C16orf78: variants seen among roughly 807,000 people sequenced by gnomAD.
The protein encoded by C16orf78 is chromosome 16 open reading frame 78.
C16orf78 carries 19 observed loss-of-function variants against 27.3 expected under a neutral mutation model. That is an observed-to-expected ratio of 0.70 (90% CI 0.49 to 1.02). C16orf78 has a LOEUF of 1.02. Ranked by LOEUF, C16orf78 falls within the 50% of genes least tolerant of loss-of-function variation. C16orf78 has a pLI of 0.00. For synonymous variants in C16orf78, 130 were observed against 116.1 expected (o/e 1.12, Z -0.77); for missense variants, 339 against 337.0 (o/e 1.01, Z -0.05).
chr16:49,374,236 TA>T, intron 1 of C16orf78, 147 bp downstream of exon 1: 2 of 935,778 alleles, frequency 2.1e-6, no homozygotes, highest in South Asian at 1.8e-5. Flanking sequence ...CCAAGGACAT[TA>T]AGGGGGTGGG....
chr16:49,397,906 T>C (rs936215055), intron 4 of C16orf78, among the ~76,000 whole-genome samples: 5 of 152,152 alleles, frequency 3.3e-5, no homozygotes, highest in African/African-American at 1.2e-4. Flanking sequence ...GCTGGGATTA[T>C]AGGCATGCAC....
chr16:49,387,208 GT>G (rs200930290), intron 3 of C16orf78, among the ~76,000 whole-genome samples: 2 of 150,910 alleles, frequency 1.3e-5, no homozygotes, highest in Admixed American at 1.3e-4. Flanking sequence ...GGCTATTGAG[GT>G]TTTTTTTTCC....
At chr16:49,374,122 C>G in intron 1 of C16orf78, 33 bp downstream of exon 1, 1 of 1,610,590 alleles carries the variant, frequency 6.2e-7, no homozygotes, top group Non-Finnish European at 8.5e-7. Context: ...GGCAGGAAGA[C>G]TTTACTCAAG....
intron 3 of C16orf78, among the ~76,000 whole-genome samples, chr16:49,390,047 A>G (rs536457701): frequency 1.3e-5 from 2 of 152,228 alleles, no homozygotes; most frequent in Admixed American, 6.5e-5. Context: ...TAGATTGTCA[A>G]CCTTTCTTCT....
At chr16:49,394,295 A>AT (rs1965446169) in intron 3 of C16orf78, among the ~76,000 whole-genome samples, 1 of 152,158 alleles carries the variant, frequency 6.6e-6, no homozygotes, top group African/African-American at 2.4e-5. Flanking sequence ...AAATCTAAAA[A>AT]TTTTTAGCAA....
At chr16:49,392,092 A>T (rs966918998) in intron 3 of C16orf78, among the ~76,000 whole-genome samples, 3 of 152,202 alleles carry the variant, frequency 2.0e-5, no homozygotes, top group African/African-American at 7.2e-5. Flanking sequence ...GTCTAGACGC[A>T]TTTCCACTAG....
chr16:49,395,835 G>A (rs1965464416), intron 3 of C16orf78, among the ~76,000 whole-genome samples: 1 of 152,136 alleles, frequency 6.6e-6, no homozygotes, highest in Admixed American at 6.6e-5. Context: ...TTCCTGCTGG[G>A]GAGGATGGAG....
Position 49,377,471 on chromosome 16 carries a change from TG to T in C16orf78, c.151-256del, listed in dbSNP as rs565442760. On this transcript the variant is annotated intron_variant, in intron 1 of 4. Coordinates refer to ENST00000299191, the MANE Select transcript of C16orf78 (RefSeq NM_144602.4). ...AGTGAGGCCCTTATGTGGGGGGTGA[TG>T]GGGAGCCCCTGATGGATTCTGAGGT... 2.2e-4 allele frequency among the ~76,000 whole-genome samples: 34 copies of T among 151,884 alleles called. No homozygotes were observed. The South Asian group carries it at 3.1e-3, about 14-fold the overall frequency.
At position 49,396,587 on chromosome 16, in the gene C16orf78, G is replaced by A. The variant is rs757559961; in HGVS notation, c.559G>A (p.Glu187Lys). Reference sequence around the variant, plus strand: ...CAACAAGATGCCTGACATGGCTTACGAACGCAAGCTAAAGAGCCTCATGGA... The same window carrying A: ...CAACAAGATGCCTGACATGGCTTACAAACGCAAGCTAAAGAGCCTCATGGA... ...WSNKMPDMAYERKLKSLMEKS... is the reference protein window; with the variant it reads ...WSNKMPDMAYKRKLKSLMEKS... The change falls in exon 4 of 5, where the codon GAA becomes AAA. Residue 187 changes from glutamate to lysine, a missense_variant. Coordinates refer to ENST00000299191, the MANE Select transcript of C16orf78 (RefSeq NM_144602.4). 19 of 1,614,134 alleles carry A rather than the reference G, an allele frequency of 1.2e-5. No individual in the cohort carries two copies. The highest frequency in any genetic ancestry group is 1.4e-5 in the Non-Finnish European group (17 of 1,180,042).
At chr16:49,384,811 T>C (rs558761183) in intron 3 of C16orf78, among the ~76,000 whole-genome samples, 1 of 152,300 alleles carries the variant, frequency 6.6e-6, no homozygotes, top group East Asian at 1.9e-4. Flanking sequence ...AAGCTACTTG[T>C]CATATACAAG....
intron 3 of C16orf78, among the ~76,000 whole-genome samples, chr16:49,384,380 A>T (rs1469573669): frequency 6.7e-6 from 1 of 149,362 alleles, no homozygotes; most frequent in Non-Finnish European, 1.5e-5. Context: ...CAGAAAACTA[A>T]TTCCTGGAGC....
At chr16:49,385,371 A>G (rs1394771961) in intron 3 of C16orf78, among the ~76,000 whole-genome samples, 1 of 152,220 alleles carries the variant, frequency 6.6e-6, no homozygotes, top group Non-Finnish European at 1.5e-5. Context: ...ATAGAATGTT[A>G]TAACTATAAA....
chr16:49,380,940 T>C (rs1205376370), intron 3 of C16orf78, among the ~76,000 whole-genome samples: 1 of 151,904 alleles, frequency 6.6e-6, no homozygotes, highest in Non-Finnish European at 1.5e-5. Flanking sequence ...ATCAGATAGT[T>C]GTAGATATGC....
chr16:49,386,314 A>G (rs1250312271), intron 3 of C16orf78, among the ~76,000 whole-genome samples: 1 of 152,238 alleles, frequency 6.6e-6, no homozygotes, highest in African/African-American at 2.4e-5. Context: ...AAAATTAATA[A>G]GGAAAACAGC....
intron 3 of C16orf78, among the ~76,000 whole-genome samples, chr16:49,388,161 G>A (rs1965371934): frequency 6.6e-6 from 1 of 151,948 alleles, no homozygotes; most frequent in Non-Finnish European, 1.5e-5. Flanking sequence ...CACAACTCCT[G>A]GATTCCTTGA....
intron 3 of C16orf78, among the ~76,000 whole-genome samples, chr16:49,387,366 C>T (rs146484064): frequency 1.4e-4 from 22 of 152,150 alleles, no homozygotes; most frequent in African/African-American, 5.1e-4. Context: ...TTGTCAGATG[C>T]ATAGTTTGAA....
chr16:49,383,190 C>T (rs72776773), intron 3 of C16orf78, among the ~76,000 whole-genome samples: 13,010 of 152,290 alleles, frequency 0.085, 791 homozygotes, highest in South Asian at 0.16. Flanking sequence ...CATCTAGGAA[C>T]AGTCTGGGCC....
At chr16:49,391,214 T>C (rs1965409200) in intron 3 of C16orf78, among the ~76,000 whole-genome samples, 1 of 152,152 alleles carries the variant, frequency 6.6e-6, no homozygotes. Flanking sequence ...CAGGAAAAGA[T>C]CCTGGGAAAA....
At chr16:49,375,131 T>C (rs920702086) in intron 1 of C16orf78, among the ~76,000 whole-genome samples, 7 of 152,148 alleles carry the variant, frequency 4.6e-5, no homozygotes, top group African/African-American at 1.7e-4. Flanking sequence ...AGTCATTTTA[T>C]TGAAGTCACA....
Sources: gnomAD v4.1 joint callset for allele counts (sites outside exome capture counted in the v4.1 genomes callset) on GRCh38, gnomAD v4.1.1 for gene constraint, MANE v1.5 for transcripts, NCBI Gene and HGNC (gene_info 2026-07-23, HGNC 2026-07-21) for gene names.